The following CNBD1 variants were observed in gnomAD, a reference collection of about 807,000 sequenced individuals.
CNBD1 encodes the protein cyclic nucleotide-binding domain-containing protein 1.
Under a neutral mutation model 54.4 loss-of-function variants are expected in CNBD1, and 71 were observed. The observed-to-expected ratio is 1.30, with a 90% CI of 1.08 to 1.59. CNBD1 has a LOEUF of 1.59. Among genes scored for constraint, CNBD1 ranks in the 40% most tolerant of loss-of-function variants. CNBD1 has a pLI of 0.00. For synonymous variants in CNBD1, 182 were observed against 170.7 expected (o/e 1.07, Z -0.51); for missense variants, 659 against 518.0 (o/e 1.27, Z -2.64).
At chr8:87,283,583 A>G (rs1488314637) in intron 6 of CNBD1, among the ~76,000 whole-genome samples, 1 of 152,050 alleles carries the variant, frequency 6.6e-6, no homozygotes, top group African/African-American at 2.4e-5. Flanking sequence ...TATGCTCTGT[A>G]CTCATTCAAG....
intron 8 of CNBD1, among the ~76,000 whole-genome samples, chr8:87,307,748 T>TTATATATATATATATATATATATA (rs35262193): frequency 5.1e-5 from 7 of 138,090 alleles, no homozygotes; most frequent in African/African-American, 2.0e-4. Flanking sequence ...AAAAAAAAAA[T>TTATATATATATATATATATATATA]TATATATATA....
chr8:87,352,478 C>CAAAAAAAAAAAAAAA (rs386413278), intron 9 of CNBD1, among the ~76,000 whole-genome samples: 6 of 107,492 alleles, frequency 5.6e-5, no homozygotes, highest in African/African-American at 2.3e-4. Context: ...GACTCTGTCT[C>CAAAAAAAAAAAAAAA]AAAAAAAAAA....
intron 4 of CNBD1, among the ~76,000 whole-genome samples, chr8:86,997,989 G>A (rs1264722711): frequency 6.6e-6 from 1 of 152,070 alleles, no homozygotes; most frequent in Non-Finnish European, 1.5e-5. Flanking sequence ...AGCCCATAAT[G>A]TACTCGGGAT....
At chr8:87,357,993 C>T (rs1014940389) in intron 10 of CNBD1, among the ~76,000 whole-genome samples, 1 of 152,130 alleles carries the variant, frequency 6.6e-6, no homozygotes, top group Non-Finnish European at 1.5e-5. Context: ...AGCCTAGCAG[C>T]TCCTTTTCTC....
chr8:87,040,592 T>G (rs942726933), intron 4 of CNBD1, among the ~76,000 whole-genome samples: 13 of 151,390 alleles, frequency 8.6e-5, no homozygotes, highest in African/African-American at 3.1e-4. Context: ...CCTGGATAAT[T>G]TTTTTGTATT....
At chr8:87,216,611 T>C (rs1814216819) in intron 5 of CNBD1, among the ~76,000 whole-genome samples, 1 of 152,162 alleles carries the variant, frequency 6.6e-6, no homozygotes, top group African/African-American at 2.4e-5. Flanking sequence ...TCCTCTTAGC[T>C]GTGCAGGATA....
At chr8:87,137,173 T>G (rs1563482998) in intron 4 of CNBD1, among the ~76,000 whole-genome samples, 1 of 138,686 alleles carries the variant, frequency 7.2e-6, no homozygotes, top group African/African-American at 2.7e-5. Flanking sequence ...ATTATATATA[T>G]TATATTTTTA....
chr8:87,381,725 C>G (rs979600885), intron 10 of CNBD1, among the ~76,000 whole-genome samples: 1 of 151,880 alleles, frequency 6.6e-6, no homozygotes, highest in Non-Finnish European at 1.5e-5. Context: ...GCCTTGAGGA[C>G]ATTATGCTAC....
At chr8:87,228,833 C>T (rs947639125) in intron 5 of CNBD1, among the ~76,000 whole-genome samples, 1 of 152,168 alleles carries the variant, frequency 6.6e-6, no homozygotes, top group Non-Finnish European at 1.5e-5. Flanking sequence ...GGCGCCCCTC[C>T]TCCAGCCTCG....
At chr8:87,420,492 G>GA (rs1807912123) in intron 2 of CNBD1, among the ~76,000 whole-genome samples, 2 of 151,780 alleles carry the variant, frequency 1.3e-5, no homozygotes, top group Admixed American at 6.6e-5. Context: ...AATGTTGTGA[G>GA]AAAAAAAGAG....
At chr8:87,115,801 A>T (rs1811755340) in intron 4 of CNBD1, among the ~76,000 whole-genome samples, 1 of 152,226 alleles carries the variant, frequency 6.6e-6, no homozygotes, top group Admixed American at 6.5e-5. Flanking sequence ...AAGATACTGC[A>T]TAAGCCCTCT....
chr8:86,976,211 TGTGGATAA>T (rs1356612919), intron 4 of CNBD1, among the ~76,000 whole-genome samples: 2 of 126,268 alleles, frequency 1.6e-5, no homozygotes, highest in African/African-American at 5.7e-5. Context: ...TTTTTTTTGC[TGTGGATAA>T]GCTTTTTAGT....
intron 5 of CNBD1, among the ~76,000 whole-genome samples, chr8:87,234,971 T>G (rs1807543464): frequency 6.6e-6 from 1 of 152,228 alleles, no homozygotes; most frequent in African/African-American, 2.4e-5. Context: ...CTGGATAACT[T>G]GATGCAACTT....
chr8:86,920,671 C>T (rs959377264), intron 3 of CNBD1, among the ~76,000 whole-genome samples: 1 of 152,098 alleles, frequency 6.6e-6, no homozygotes, highest in African/African-American at 2.4e-5. Context: ...TGCTCAGTCA[C>T]CCAAATTGCC....
downstream of CNBD1, among the ~76,000 whole-genome samples, chr8:87,385,670 C>G (rs985390340): frequency 4.6e-5 from 7 of 152,110 alleles, no homozygotes; most frequent in Non-Finnish European, 7.4e-5. Flanking sequence ...CTACCTGCCT[C>G]TGTAGACTCC....
chr8:87,376,058 G>A (rs1475205423), intron 10 of CNBD1, among the ~76,000 whole-genome samples: 1 of 151,920 alleles, frequency 6.6e-6, no homozygotes, highest in Non-Finnish European at 1.5e-5. Context: ...TAAAAGCAGA[G>A]ATGAACTTTT....
rs183819109 is a variant in CNBD1 at position 87,087,668 on chromosome 8, G to A, written c.432-118325G>A. Among the ~76,000 whole-genome samples the A allele has an allele frequency of 6.6e-3, 1,000 of 151,820 alleles. 11 individuals carry two copies. Among genetic ancestry groups the A allele is most frequent in the African/African-American group, 0.022 (919 of 41,392 alleles). Reference sequence around the variant, plus strand: ...TTTTTAGTAGAGACGGGGTTTCACCGTGTTATCCAGGATGGTCTCGATCCC... The same window carrying A: ...TTTTTAGTAGAGACGGGGTTTCACCATGTTATCCAGGATGGTCTCGATCCC... On this transcript the variant is annotated intron_variant, in intron 4 of 10. Coordinates refer to ENST00000518476, the MANE Select transcript of CNBD1 (RefSeq NM_173538.3).
chr8:87,135,563 G>C (rs543708673), intron 4 of CNBD1, among the ~76,000 whole-genome samples: 1 of 146,994 alleles, frequency 6.8e-6, no homozygotes, highest in Non-Finnish European at 1.5e-5. Flanking sequence ...TAGATCAAAG[G>C]CATCTAATAT....
chr8:87,357,692 G>A (rs1343942045), intron 10 of CNBD1, among the ~76,000 whole-genome samples: 1 of 152,274 alleles, frequency 6.6e-6, no homozygotes, highest in East Asian at 1.9e-4. Context: ...TTGGACTTTT[G>A]AGTTGATGCT....
Sources: allele counts gnomAD v4.1 joint callset (sites outside exome capture counted in the v4.1 genomes callset), GRCh38; gene constraint gnomAD v4.1.1; transcripts MANE v1.5; gene names NCBI Gene and HGNC (gene_info 2026-07-23, HGNC 2026-07-21).